The following CHST8 variants were observed in gnomAD, a reference collection of about 807,000 sequenced individuals.
The protein encoded by CHST8 is GALNAC-4-ST1.
CHST8 carries 10 observed loss-of-function variants against 15.0 expected under a neutral mutation model. That is an observed-to-expected ratio of 0.67 (90% CI 0.41 to 1.13). The LOEUF is 1.13. Among genes scored for constraint, CHST8 ranks in the 50% most tolerant of loss-of-function variants. The probability of loss-of-function intolerance (pLI) is 0.00; values close to 1 mark genes in which losing one functional copy is unlikely to be tolerated. For missense variants in CHST8, 634 were observed against 608.2 expected (o/e 1.04, Z -0.45); for synonymous variants, 259 against 256.6 (o/e 1.01, Z -0.09).
intron 3 of CHST8, among the ~76,000 whole-genome samples, chr19:33,710,795 A>C (rs536751345): frequency 1.3e-4 from 20 of 152,122 alleles, no homozygotes; most frequent in African/African-American, 4.8e-4. Flanking sequence ...CTACAATGCC[A>C]TAACCTCACA....
chr19:33,744,294 G>T, intron 3 of CHST8: 1 of 152,308 alleles, frequency 6.6e-6, no homozygotes. Context: ...AGAAAAGGTG[G>T]GGGCAGATTC....
intron 3 of CHST8, among the ~76,000 whole-genome samples, chr19:33,743,241 A>C (rs1217758178): frequency 6.6e-6 from 1 of 151,320 alleles, no homozygotes; most frequent in Admixed American, 6.6e-5. Context: ...CCACTGTAGC[A>C]TAACCACCTT....
At chr19:33,714,403 A>G (rs1038406063) in intron 3 of CHST8, among the ~76,000 whole-genome samples, 1 of 152,234 alleles carries the variant, frequency 6.6e-6, no homozygotes, top group Non-Finnish European at 1.5e-5. Flanking sequence ...ACTCAGAAAC[A>G]GTCAAATACC....
chr19:33,761,971 C>T (rs1974738740), intron 3 of CHST8, among the ~76,000 whole-genome samples: 1 of 152,220 alleles, frequency 6.6e-6, no homozygotes. Flanking sequence ...ACCACACACT[C>T]CCCACCCAGG....
intron 3 of CHST8, among the ~76,000 whole-genome samples, chr19:33,747,900 C>T (rs1410344824): frequency 3.9e-5 from 6 of 152,226 alleles, no homozygotes; most frequent in Admixed American, 1.3e-4. Context: ...GGTGGCTCAG[C>T]GGGTCTCCTG....
intron 3 of CHST8, among the ~76,000 whole-genome samples, chr19:33,694,959 T>G (rs904741200): frequency 1.5e-5 from 2 of 137,884 alleles, no homozygotes; most frequent in African/African-American, 5.2e-5. Flanking sequence ...TTCTGTTCCC[T>G]TCCCTTCCCT....
intron 3 of CHST8, among the ~76,000 whole-genome samples, chr19:33,712,894 C>T (rs192816254): frequency 2.9e-4 from 44 of 152,306 alleles, no homozygotes; most frequent in African/African-American, 1.1e-3. Flanking sequence ...TTGGTCTCTA[C>T]CATCTGTCCA....
intron 3 of CHST8, among the ~76,000 whole-genome samples, chr19:33,717,129 A>G (rs576377367): frequency 4.6e-4 from 70 of 152,278 alleles, no homozygotes; most frequent in African/African-American, 1.7e-3. Flanking sequence ...AGGAATTCAG[A>G]AAATAGTGCA....
intron 3 of CHST8, among the ~76,000 whole-genome samples, chr19:33,739,409 A>G (rs889601896): frequency 6.6e-6 from 1 of 152,198 alleles, no homozygotes; most frequent in Non-Finnish European, 1.5e-5. Context: ...CTGAGTGGCC[A>G]GTTGTCTTCC....
chr19:33,724,120 T>C (rs1973849540), intron 3 of CHST8, among the ~76,000 whole-genome samples: 2 of 152,286 alleles, frequency 1.3e-5, no homozygotes, highest in South Asian at 4.1e-4. Context: ...TGGCCCCACA[T>C]GGGTGCTGTG....
rs373656481 is a variant in CHST8 at position 33,704,676 on chromosome 19, G to A, written c.130+15285G>A. 1.6e-4 allele frequency among the ~76,000 whole-genome samples: 25 copies of A among 152,282 alleles called. No homozygotes were observed. In the East Asian group the frequency reaches 3.7e-3, roughly 22 times the overall value. The stretch of plus-strand genomic sequence containing the variant: ...TGTAATCCCAGCACTTTGGGAGGCC[G>A]AAGCAGGCGGATCACTTGAGGTCAG... On this transcript the variant is annotated intron_variant, in intron 3 of 4. Coordinates refer to ENST00000650847, the MANE Select transcript of CHST8 (RefSeq NM_001127895.2).
intron 3 of CHST8, among the ~76,000 whole-genome samples, chr19:33,770,899 A>T (rs1428005210): frequency 2.0e-5 from 3 of 152,094 alleles, no homozygotes; most frequent in Non-Finnish European, 4.4e-5. Context: ...AGCACGTTCC[A>T]TTCCTAGGCC....
At chr19:33,672,959 C>T (rs145300150) in intron 2 of CHST8, among the ~76,000 whole-genome samples, 2 of 152,184 alleles carry the variant, frequency 1.3e-5, no homozygotes, top group Admixed American at 6.5e-5. Flanking sequence ...AGGCAGGACG[C>T]GCCCAGGTCC....
chr19:33,682,187 GTTTTTTTTTTT>G, intron 2 of CHST8, among the ~76,000 whole-genome samples: 1 of 95,268 alleles, frequency 1.0e-5, no homozygotes, highest in African/African-American at 4.2e-5. Context: ...TTTTGTTGTT[GTTTTTTTTTTT>G]TTTTTTTTTT....
At chr19:33,770,736 T>C (rs1405391353) in intron 3 of CHST8, among the ~76,000 whole-genome samples, 1 of 152,136 alleles carries the variant, frequency 6.6e-6, no homozygotes, top group African/African-American at 2.4e-5. Flanking sequence ...GCTGGACAAT[T>C]ACCCTCTACC....
At chr19:33,638,217 C>G (rs1246724102) in intron 1 of CHST8, among the ~76,000 whole-genome samples, 1 of 152,168 alleles carries the variant, frequency 6.6e-6, no homozygotes, top group African/African-American at 2.4e-5. Flanking sequence ...CCACCGCTGA[C>G]GTTTTCCTCA....
chr19:33,673,550 G>A (rs902740191), intron 2 of CHST8, among the ~76,000 whole-genome samples: 3 of 152,172 alleles, frequency 2.0e-5, no homozygotes, highest in Non-Finnish European at 1.5e-5. Context: ...GTCTTCAAGT[G>A]TGGCACTCCT....
chr19:33,706,526 AG>A (rs1417756326), intron 3 of CHST8, among the ~76,000 whole-genome samples: 1 of 152,176 alleles, frequency 6.6e-6, no homozygotes, highest in African/African-American at 2.4e-5. Context: ...GTCACCTGCC[AG>A]GTCATGGGGC....
chr19:33,757,550 A>C (rs1316809709), intron 3 of CHST8, among the ~76,000 whole-genome samples: 3 of 117,466 alleles, frequency 2.6e-5, no homozygotes, highest in African/African-American at 9.8e-5. Context: ...GAAAGAAAGA[A>C]AGAAAGAAAG....
Sources: gnomAD v4.1 joint callset for allele counts (sites outside exome capture counted in the v4.1 genomes callset) on GRCh38, gnomAD v4.1.1 for gene constraint, MANE v1.5 for transcripts, NCBI Gene and HGNC (gene_info 2026-07-23, HGNC 2026-07-21) for gene names.